The following ALPK1 variants were observed in gnomAD, a reference collection of about 807,000 sequenced individuals.
The protein encoded by ALPK1 is alpha kinase 1.
Under a neutral mutation model 120.6 loss-of-function variants are expected in ALPK1, and 110 were observed. That is an observed-to-expected ratio of 0.91 (90% confidence interval 0.78 to 1.07). The LOEUF is 1.07. Among genes scored for constraint, ALPK1 ranks in the 50% least tolerant of loss-of-function variants. The probability of loss-of-function intolerance (pLI) is 0.00; values close to 1 mark genes in which losing one functional copy is unlikely to be tolerated. For missense variants in ALPK1, 1,498 were observed against 1,483.9 expected (o/e 1.01, Z -0.16); for synonymous variants, 582 against 560.3 (o/e 1.04, Z -0.55).
Position 112,441,387 on chromosome 4 carries a change from G to T in ALPK1, c.*177G>T. ...GTTATCAAGAATGGGTCAGGAGACC[G>T]CTGCTTCTGGGCATAAGTCCTGCAA... On this transcript the variant is annotated 3_prime_UTR_variant, in exon 16 of 16. Coordinates refer to ENST00000650871, the MANE Select transcript of ALPK1 (RefSeq NM_025144.4). 1.5e-6 allele frequency: 1 copy of T among 675,486 alleles called. No individual in the cohort carries two copies. The highest frequency in any genetic ancestry group is 2.2e-5 in the Admixed American group (1 of 44,546). The allele number at this position is 675,486 out of a possible 1,614,324, so 41.8% of individuals were successfully genotyped here.
Position 112,424,174 on chromosome 4 carries a change from T to G in ALPK1, c.535+171T>G, listed in dbSNP as rs562015643. Among the ~76,000 whole-genome samples, 3 of 147,546 alleles carry G rather than the reference T, an allele frequency of 2.0e-5. No individual in the cohort carries two copies. In the East Asian group the frequency reaches 6.2e-4, roughly 30 times the overall value. On this transcript the variant is annotated intron_variant, in intron 6 of 15. Transcript: ENST00000650871. ...AAGCTTTGATCAAGCAGCTTACATC[T>G]CTGTGTCTCTGTTTTCTCTAAGTTA... is the stretch of plus-strand genomic sequence containing the variant.
chr4:112,372,650 C>G (rs534160759), intron 2 of ALPK1, among the ~76,000 whole-genome samples: 2 of 152,288 alleles, frequency 1.3e-5, no homozygotes, highest in South Asian at 2.1e-4. Context: ...AATCTACTCT[C>G]TTAGCAATTT....
chr4:112,357,891 GC>G, intron 2 of ALPK1: 1 of 1,152,368 alleles, frequency 8.7e-7, no homozygotes, highest in Non-Finnish European at 1.3e-6. Context: ...TGTTTGTGGA[GC>G]CCAGGAGCAA....
At position 112,373,631 on chromosome 4, in the gene ALPK1, C is replaced by G. The variant is rs544647941; in HGVS notation, c.-100-4047C>G. Among the ~76,000 whole-genome samples the G allele has an allele frequency of 4.3e-4, 65 of 152,192 alleles. 1 individual carries two copies. The highest frequency in any genetic ancestry group is 1.6e-3 in the African/African-American group (65 of 41,526). On this transcript the variant is annotated intron_variant, in intron 2 of 15. Coordinates refer to ENST00000650871, the MANE Select transcript of ALPK1 (RefSeq NM_025144.4). ...ACAAAGCCGGGTGCAGTGGTGCGTA[C>G]CTGTAATCCTACTTGGGAGGTTGAG...
At chr4:112,336,179 A>T (rs1383123445) in intron 2 of ALPK1, among the ~76,000 whole-genome samples, 3 of 152,212 alleles carry the variant, frequency 2.0e-5, no homozygotes, top group African/African-American at 7.2e-5. Context: ...AGGGGAATGA[A>T]TCAAAGTGTA....
At chr4:112,307,358 C>G (rs1390655750) in intron 1 of ALPK1, among the ~76,000 whole-genome samples, 2 of 152,000 alleles carry the variant, frequency 1.3e-5, no homozygotes, top group Admixed American at 6.6e-5. Context: ...GGGTGTTAAA[C>G]TCTCCCGTTA....
chr4:112,310,000 A>G (rs1017414722), intron 1 of ALPK1, among the ~76,000 whole-genome samples: 4 of 152,058 alleles, frequency 2.6e-5, no homozygotes, highest in African/African-American at 7.3e-5. Flanking sequence ...TCTGTACACA[A>G]CTAGCTCTTT....
chr4:112,357,263 C>G, intron 2 of ALPK1: 1 of 1,346,702 alleles, frequency 7.4e-7, no homozygotes, highest in Non-Finnish European at 1.0e-6. Flanking sequence ...TCTGGCAGGA[C>G]GTGCTGGGGT....
At chr4:112,390,467 G>T (rs1182322973) in intron 4 of ALPK1, among the ~76,000 whole-genome samples, 1 of 152,128 alleles carries the variant, frequency 6.6e-6, no homozygotes, top group Non-Finnish European at 1.5e-5. Context: ...GTTTACATTT[G>T]TTTGTGGGGT....
chr4:112,390,197 A>G (rs9307381), intron 4 of ALPK1, among the ~76,000 whole-genome samples: 52,620 of 151,946 alleles, frequency 0.35, 9,257 homozygotes, highest in East Asian at 0.53. Flanking sequence ...TCTCCATCTC[A>G]TGGCCTCCTT....
chr4:112,348,612 C>T (rs972268882), intron 2 of ALPK1, among the ~76,000 whole-genome samples: 17 of 152,294 alleles, frequency 1.1e-4, no homozygotes, highest in African/African-American at 3.4e-4. Flanking sequence ...GCAAAGTGTG[C>T]GGACATCCAG....
chr4:112,322,650 T>C (rs1258289881), intron 2 of ALPK1, among the ~76,000 whole-genome samples: 2 of 152,096 alleles, frequency 1.3e-5, no homozygotes, highest in Non-Finnish European at 2.9e-5. Flanking sequence ...AGCTGCATAA[T>C]TAATTCATTA....
In ALPK1 at chr4:112,360,811, G is replaced by A. The variant is rs57216484; in HGVS notation, c.-100-16867G>A. On this transcript the variant is annotated intron_variant, in intron 2 of 15. Coordinates refer to ENST00000650871, the MANE Select transcript of ALPK1 (RefSeq NM_025144.4). Reference sequence around the variant, plus strand: ...CTTCTTGTTTACATTTTTGCTTTTAGGTAACCAACTGTATGTAAGTCCTTT... The same window carrying A: ...CTTCTTGTTTACATTTTTGCTTTTAAGTAACCAACTGTATGTAAGTCCTTT... 3.7e-3 allele frequency among the ~76,000 whole-genome samples: 560 copies of A among 152,160 alleles called. 5 individuals carry two copies. Among genetic ancestry groups the A allele is most frequent in the African/African-American group, 0.013 (538 of 41,502 alleles).
At chr4:112,415,920 A>G (rs1733726865) in intron 5 of ALPK1, among the ~76,000 whole-genome samples, 1 of 152,194 alleles carries the variant, frequency 6.6e-6, no homozygotes, top group South Asian at 2.1e-4. Flanking sequence ...TGAAGTAAAA[A>G]ACAAAGATAC....
At chr4:112,354,066 C>T (rs941019032) in intron 2 of ALPK1, among the ~76,000 whole-genome samples, 4 of 152,100 alleles carry the variant, frequency 2.6e-5, no homozygotes, top group Non-Finnish European at 5.9e-5. Context: ...GTCTTTTTCT[C>T]ATTGATTTAC....
At chr4:112,410,073 T>C (rs1356782123) in intron 4 of ALPK1, among the ~76,000 whole-genome samples, 1 of 152,226 alleles carries the variant, frequency 6.6e-6, no homozygotes, top group Non-Finnish European at 1.5e-5. Flanking sequence ...CTGTAACCAA[T>C]TATGCATATG....
chr4:112,390,226 G>A (rs1018127990), intron 4 of ALPK1, among the ~76,000 whole-genome samples: 2 of 152,072 alleles, frequency 1.3e-5, no homozygotes, highest in Non-Finnish European at 2.9e-5. Context: ...CACTCTTACC[G>A]GGATTATTCC....
intron 4 of ALPK1, 57 bp downstream of exon 4, chr4:112,382,609 C>T: frequency 6.2e-7 from 1 of 1,610,158 alleles, no homozygotes; most frequent in Non-Finnish European, 8.5e-7. Flanking sequence ...CATTTAGACT[C>T]TAAGTGGTCT....
chr4:112,345,104 T>C lies in ALPK1; in HGVS notation c.-101+29252T>C, dbSNP rs540705299. On this transcript the variant is annotated intron_variant, in intron 2 of 15. Transcript: ENST00000650871. ...GTGTTGGTTTCGGTAAAAGTAGGCA[T>C]GGCTGCCATGCTCATTCAGAGTTGT... 8.5e-5 allele frequency among the ~76,000 whole-genome samples: 13 copies of C among 152,308 alleles called. No homozygotes were observed. In the South Asian group the frequency reaches 2.7e-3, roughly 32 times the overall value.
Sources: allele counts gnomAD v4.1 joint callset (sites outside exome capture counted in the v4.1 genomes callset), GRCh38; gene constraint gnomAD v4.1.1; transcripts MANE v1.5; gene names NCBI Gene and HGNC (gene_info 2026-07-23, HGNC 2026-07-21).